DMD: variants seen among roughly 807,000 people sequenced by gnomAD.
DMD encodes dystrophin.
A neutral mutation model predicts 330.1 loss-of-function variants in DMD; 63 were observed. The observed-to-expected ratio is 0.19, with a 90% CI of 0.16 to 0.24. The LOEUF (loss-of-function observed/expected upper bound fraction) is 0.24. Ranked by LOEUF, DMD falls within the 10% of genes least tolerant of loss-of-function variation. The pLI is 1.00. For synonymous variants in DMD, 1,223 were observed against 959.8 expected, an observed-to-expected ratio of 1.27 and a Z score of -5.07; for missense variants, 3,344 against 2,684.1, an observed-to-expected ratio of 1.25 and a Z score of -5.43.
chrX:32,565,945 A>G, intron 15 of DMD, 64 bp from the exon 16 acceptor site: 4 of 1,008,960 alleles, frequency 4.0e-6, no homozygotes, highest in Non-Finnish European at 4.2e-6. Flanking sequence ...CTATAGTTCA[A>G]TCTGCTTTTG....
intron 44 of DMD, among the ~76,000 whole-genome samples, chrX:31,982,322 A>G (rs1196469044): frequency 8.9e-6 from 1 of 111,774 alleles, no homozygotes; most frequent in African/African-American, 3.3e-5. Flanking sequence ...CTGGCAAATA[A>G]TGGACAGAGA....
intron 44 of DMD, among the ~76,000 whole-genome samples, chrX:32,089,205 C>G (rs1376567807): frequency 1.8e-5 from 2 of 110,987 alleles, no homozygotes; most frequent in African/African-American, 6.6e-5. Flanking sequence ...TGTCCTTACC[C>G]CCATCTCACC....
At chrX:32,667,788 A>G (rs1602726768) in intron 9 of DMD, among the ~76,000 whole-genome samples, 1 of 70,151 alleles carries the variant, frequency 1.4e-5, no homozygotes, top group African/African-American at 7.1e-5. Context: ...TTTTTTTTCC[A>G]GTTTTCTACT....
At chrX:32,823,965 A>T (rs1480232632) in intron 4 of DMD, among the ~76,000 whole-genome samples, 1 of 112,125 alleles carries the variant, frequency 8.9e-6, no homozygotes, top group Non-Finnish European at 1.9e-5. Flanking sequence ...AAGGTGGAGT[A>T]AAGTTAAACA....
chrX:32,128,821 G>A (rs1205898999), intron 44 of DMD, among the ~76,000 whole-genome samples: 8 of 112,055 alleles, frequency 7.1e-5, no homozygotes, highest in South Asian at 7.3e-4. Context: ...AACCTGTGTC[G>A]TTCCTCTTTG....
At chrX:32,589,086 A>G (rs2054599607) in intron 13 of DMD, among the ~76,000 whole-genome samples, 1 of 111,691 alleles carries the variant, frequency 9.0e-6, no homozygotes, top group Non-Finnish European at 1.9e-5. Context: ...TGATATTATG[A>G]CATTTTGAAA....
chrX:32,685,178 G>C (rs1344216040), intron 9 of DMD, among the ~76,000 whole-genome samples: 1 of 110,918 alleles, frequency 9.0e-6, no homozygotes, highest in Non-Finnish European at 1.9e-5. Context: ...ACTATTTGAG[G>C]TACCAAATAG....
chrX:32,509,504 A>G (rs1320736519), intron 18 of DMD, among the ~76,000 whole-genome samples: 1 of 111,899 alleles, frequency 8.9e-6, no homozygotes, highest in Non-Finnish European at 1.9e-5. Context: ...CCACAGGTCT[A>G]TCTTGCAAAG....
At chrX:31,657,289 A>G (rs1331368508) in intron 54 of DMD, among the ~76,000 whole-genome samples, 1 of 112,046 alleles carries the variant, frequency 8.9e-6, no homozygotes. Flanking sequence ...GGACCTGGGG[A>G]TGTATCAAAT....
chrX:31,198,364 G>A (rs183611805), intron 67 of DMD, among the ~76,000 whole-genome samples: 2 of 111,349 alleles, frequency 1.8e-5, no homozygotes, highest in East Asian at 5.6e-4. Context: ...TCCTACAGGT[G>A]CGTGCTACCA....
At chrX:31,202,710 A>G (rs1459974237) in intron 67 of DMD, among the ~76,000 whole-genome samples, 2 of 112,081 alleles carry the variant, frequency 1.8e-5, no homozygotes, top group Non-Finnish European at 3.8e-5. Context: ...TAATAGAATT[A>G]GAATGGATTG....
intron 74 of DMD, among the ~76,000 whole-genome samples, chrX:31,153,926 G>T (rs763338775): frequency 1.8e-5 from 2 of 112,206 alleles, no homozygotes; most frequent in East Asian, 5.6e-4. Flanking sequence ...AAGGTTTTTT[G>T]ATTTGAGTCT....
At chrX:32,273,894 A>T (rs1381313503) in intron 43 of DMD, among the ~76,000 whole-genome samples, 1 of 112,203 alleles carries the variant, frequency 8.9e-6, no homozygotes, top group Non-Finnish European at 1.9e-5. Context: ...AGTCATTTCT[A>T]CCTTGAGCTT....
chrX:32,399,064 A>T (rs2098067167), intron 30 of DMD, among the ~76,000 whole-genome samples: 1 of 112,026 alleles, frequency 8.9e-6, no homozygotes, highest in Admixed American at 9.5e-5. Context: ...CTCTATCTTG[A>T]ACCGTATACA....
At chrX:31,514,334 C>A (rs372860191) in intron 55 of DMD, among the ~76,000 whole-genome samples, 91 of 111,593 alleles carry the variant, frequency 8.2e-4, no homozygotes, top group African/African-American at 2.8e-3. Context: ...ATGAGACAAG[C>A]AATATGTTCA....
At chrX:32,787,213 AGTGTGTGTGTGTGT>A (rs72078806) in intron 7 of DMD, among the ~76,000 whole-genome samples, 2 of 83,379 alleles carry the variant, frequency 2.4e-5, no homozygotes, top group Non-Finnish European at 4.6e-5. Flanking sequence ...CTCTCTGTCA[AGTGTGTGTGTGTGT>A]GTGTGTGTGT....
intron 2 of DMD, among the ~76,000 whole-genome samples, chrX:32,946,627 A>C (rs917691593): frequency 8.9e-6 from 1 of 112,540 alleles, no homozygotes; most frequent in Non-Finnish European, 1.9e-5. Flanking sequence ...TTTTATAACA[A>C]AACAGATATA....
At chrX:32,766,335 G>C (rs1022894539) in intron 7 of DMD, among the ~76,000 whole-genome samples, 13 of 111,067 alleles carry the variant, frequency 1.2e-4, no homozygotes, top group African/African-American at 4.3e-4. Context: ...TAAACCTGGG[G>C]TTCCTTTTCA....
intron 45 of DMD, among the ~76,000 whole-genome samples, chrX:31,946,557 T>C (rs1291981702): frequency 1.8e-5 from 2 of 111,715 alleles, no homozygotes; most frequent in Non-Finnish European, 3.8e-5. Flanking sequence ...TTACTCAAGA[T>C]TGGTTTTGAT....
Sources: allele counts gnomAD v4.1 joint callset (sites outside exome capture counted in the v4.1 genomes callset), GRCh38; gene constraint gnomAD v4.1.1; transcripts MANE v1.5; gene names NCBI Gene and HGNC (gene_info 2026-07-23, HGNC 2026-07-21).